The following COL12A1 variants were observed in gnomAD, a reference collection of about 807,000 sequenced individuals.
COL12A1 encodes the protein collagen alpha-1(XII) chain.
A neutral mutation model predicts 349.7 loss-of-function variants in COL12A1; 114 were observed. That is an observed-to-expected ratio of 0.33 (90% CI 0.28 to 0.38). COL12A1 has a LOEUF of 0.38. Among genes scored for constraint, COL12A1 ranks in the 10% least tolerant of loss-of-function variants. COL12A1 has a pLI of 1.00. For missense variants in COL12A1, 3,284 were observed against 3,756.9 expected, an observed-to-expected ratio of 0.87 and a Z score of 3.29; for synonymous variants, 1,369 against 1,329.0, an observed-to-expected ratio of 1.03 and a Z score of -0.66.
chr6:75,174,988 C>G (rs1299134020), intron 13 of COL12A1, 50 bp downstream of exon 13: 9 of 1,592,438 alleles, frequency 5.7e-6, no homozygotes, highest in Non-Finnish European at 6.9e-6. Context: ...TTCCTAGAGG[C>G]AGCACCACAA....
intron 27 of COL12A1, among the ~76,000 whole-genome samples, chr6:75,140,504 A>C (rs1161033356): frequency 2.0e-5 from 3 of 151,896 alleles, no homozygotes; most frequent in Non-Finnish European, 2.9e-5. Flanking sequence ...AAAACACAAA[A>C]AATTAGCCGG....
intron 13 of COL12A1, among the ~76,000 whole-genome samples, chr6:75,173,107 A>G (rs911245681): frequency 6.6e-6 from 1 of 152,198 alleles, no homozygotes; most frequent in Non-Finnish European, 1.5e-5. Flanking sequence ...AGTATTTTAC[A>G]GTTTCCAATG....
At chr6:75,106,195 T>C (rs1389479013) in intron 53 of COL12A1, among the ~76,000 whole-genome samples, 1 of 152,200 alleles carries the variant, frequency 6.6e-6, no homozygotes, top group Non-Finnish European at 1.5e-5. Flanking sequence ...GACTTTTCTC[T>C]TAGGGAGAAG....
chr6:75,169,707 G>A (rs1409618517), intron 13 of COL12A1, among the ~76,000 whole-genome samples: 1 of 152,000 alleles, frequency 6.6e-6, no homozygotes, highest in East Asian at 1.9e-4. Context: ...TAGAAATTCT[G>A]GCAATCATTT....
chr6:75,118,312 C>G (rs74903179), intron 46 of COL12A1, among the ~76,000 whole-genome samples: 1,917 of 152,194 alleles, frequency 0.013, 39 homozygotes, highest in African/African-American at 0.042. Context: ...TGACTTAGCA[C>G]TAATCATAAC....
chr6:75,152,202 G>T lies in COL12A1; in HGVS notation c.3764C>A (p.Ala1255Glu). 6.2e-7 allele frequency: 1 copy of T among 1,613,732 alleles called. No individual in the cohort carries two copies. The highest frequency in any genetic ancestry group is 1.7e-4 in the Middle Eastern group (1 of 6,060). Residue 1255 changes from alanine (A) to glutamate (E), a missense_variant, in exon 19 of 66, where the codon GCA (alanine) becomes GAA (glutamate). By Grantham distance (107) the Ala-to-Glu change is moderately radical. Transcript: ENST00000322507. Reference sequence around the variant, plus strand: ...CAACAAGCTCTTCTTGTCTCTGTGTGCATTTAACTGCCACTCTGTTCTGGG... The same window carrying T: ...CAACAAGCTCTTCTTGTCTCTGTGTTCATTTAACTGCCACTCTGTTCTGGG... ...GDPRTEWQLN[A>E]HRDKKSLLQA...
intron 24 of COL12A1, among the ~76,000 whole-genome samples, 183 bp from the exon 25 acceptor site, chr6:75,145,638 T>C (rs1461229172): frequency 1.3e-5 from 2 of 151,466 alleles, no homozygotes; most frequent in East Asian, 3.9e-4. Context: ...TGGTTTGTTT[T>C]GTTTTGTTTT....
At position 75,138,692 on chromosome 6, in the gene COL12A1, GAT is replaced by G. The variant is rs1441247097; in HGVS notation, c.5098-114_5098-113del. Reference sequence around the variant, plus strand: ...TTTAGCCAGATGTTCCTCCTGCTCTGATGCATGTCATGAGCTCAAATGTCAAT... The same window carrying G: ...TTTAGCCAGATGTTCCTCCTGCTCTGGCATGTCATGAGCTCAAATGTCAAT... On this transcript the variant is annotated intron_variant, in intron 28 of 65. Coordinates refer to ENST00000322507, the MANE Select transcript of COL12A1 (RefSeq NM_004370.6). 5.2e-6 allele frequency: 8 copies of G among 1,552,068 alleles called. No individual in the cohort carries two copies. The African/African-American group carries it at 1.1e-4, about 21-fold the overall frequency.
chr6:75,141,344 A>C (rs1367266697), intron 27 of COL12A1, among the ~76,000 whole-genome samples: 4 of 152,328 alleles, frequency 2.6e-5, no homozygotes, highest in Middle Eastern at 6.8e-3. Flanking sequence ...TCCATAGCAA[A>C]AGACCAACAG....
At chr6:75,126,083 G>C (rs917753371) in intron 39 of COL12A1, among the ~76,000 whole-genome samples, 4 of 152,090 alleles carry the variant, frequency 2.6e-5, no homozygotes, top group Admixed American at 2.6e-4. Context: ...TCTGAAGACA[G>C]GCATCTTTGA....
chr6:75,113,805 A>C, intron 49 of COL12A1, 61 bp from the exon 50 acceptor site: 1 of 1,296,920 alleles, frequency 7.7e-7, no homozygotes, highest in Non-Finnish European at 1.1e-6. Context: ...GGAAGAAAGA[A>C]AGATTGATTG....
intron 13 of COL12A1, among the ~76,000 whole-genome samples, chr6:75,169,950 G>A (rs551674328): frequency 4.3e-4 from 65 of 152,276 alleles, no homozygotes; most frequent in African/African-American, 1.4e-3. Flanking sequence ...TCTAGTGTGT[G>A]CTTGCATGTG....
At chr6:75,136,196 G>T (rs1260919550) in intron 31 of COL12A1, among the ~76,000 whole-genome samples, 1 of 152,016 alleles carries the variant, frequency 6.6e-6, no homozygotes, top group Non-Finnish European at 1.5e-5. Context: ...CCGAAATCTG[G>T]CATGCCACAG....
At chr6:75,182,448 G>A (rs1048516300) in intron 10 of COL12A1, among the ~76,000 whole-genome samples, 1 of 151,918 alleles carries the variant, frequency 6.6e-6, no homozygotes, top group Admixed American at 6.6e-5. Context: ...ACATATGAGT[G>A]AGAACATGCA....
intron 65 of COL12A1, chr6:75,087,197 G>C (rs559369857): frequency 1.2e-4 from 28 of 232,514 alleles, no homozygotes; most frequent in Admixed American, 3.7e-4. Flanking sequence ...CCATAAATTA[G>C]ATTCCCAAAA....
chr6:75,165,884 T>G lies in COL12A1; in HGVS notation c.2711-105A>C, dbSNP rs912360701. The G allele has an allele frequency of 4.4e-6, 5 of 1,139,098 alleles. No homozygotes were observed. The Admixed American group carries it at 1.3e-4, about 30-fold the overall frequency. 70.6% of individuals were successfully genotyped at this position (1,139,098 alleles called of 1,614,324 possible). A position where few individuals can be genotyped will look rare whatever the true frequency, so the allele number is the denominator to read the frequency against. ...AGATTCTGACTTGCTGGACTCACAC[T>G]CAATTTGTCTAAAATTGCCCATTTC... On this transcript the variant is annotated intron_variant, in intron 13 of 65. Transcript: ENST00000322507.
At chr6:75,110,928 G>C (rs1222222017) in intron 51 of COL12A1, among the ~76,000 whole-genome samples, 4 of 151,924 alleles carry the variant, frequency 2.6e-5, no homozygotes, top group African/African-American at 9.7e-5. Context: ...TACTTGAATT[G>C]ATGAGATGAG....
intron 26 of COL12A1, among the ~76,000 whole-genome samples, chr6:75,143,050 G>A (rs1250669768): frequency 2.0e-5 from 3 of 152,146 alleles, no homozygotes; most frequent in African/African-American, 7.2e-5. Context: ...ATATCACACA[G>A]CAAAACATTT....
intron 33 of COL12A1, among the ~76,000 whole-genome samples, chr6:75,133,652 C>T (rs1380207493): frequency 6.6e-6 from 1 of 152,090 alleles, no homozygotes; most frequent in East Asian, 1.9e-4. Context: ...CCGCTTCTTC[C>T]CCTGGCCAGG....
Sources: allele counts gnomAD v4.1 joint callset (sites outside exome capture counted in the v4.1 genomes callset), GRCh38; gene constraint gnomAD v4.1.1; transcripts MANE v1.5; gene names NCBI Gene and HGNC (gene_info 2026-07-23, HGNC 2026-07-21).